TLN2: variants seen among roughly 807,000 people sequenced by gnomAD.
TLN2 encodes the protein talin 2.
A neutral mutation model predicts 294.7 loss-of-function variants in TLN2; 118 were observed. The observed-to-expected ratio is 0.40, with a 90% CI of 0.34 to 0.47. TLN2 has a LOEUF of 0.47. Ranked by LOEUF, TLN2 falls within the 20% of genes least tolerant of loss-of-function variation. TLN2 has a pLI of 0.84. For missense variants in TLN2, 3,083 were observed against 3,282.2 expected (o/e 0.94, Z 1.48); for synonymous variants, 1,431 against 1,304.5 (o/e 1.10, Z -2.09).
At position 62,689,877 on chromosome 15, in the gene TLN2, T is replaced by TTTTTTTTTTTTTTTTTTTTTTTTTTTTTA. The variant is rs71131119; in HGVS notation, c.1114-2963_1114-2962insTTTTTTTTTTTTTTTTTTTTTTTTTTTTA. Among the ~76,000 whole-genome samples the TTTTTTTTTTTTTTTTTTTTTTTTTTTTTA allele has an allele frequency of 4.1e-4, 4 of 9,834 alleles. 2 individuals carry two copies. The highest frequency in any genetic ancestry group is 5.8e-4 in the Non-Finnish European group (2 of 3,428). 6.5% of individuals were successfully genotyped at this position (9,834 alleles called of 152,430 possible). ...TTTTTTTTTTTTTTTTTTTTTTTTTTATTGGCTGACCCCCCTTCCTCCCTC... is the reference window on the plus strand; with the variant it reads ...TTTTTTTTTTTTTTTTTTTTTTTTTTTTTTTTTTTTTTTTTTTTTTTTTTTTTTAATTGGCTGACCCCCCTTCCTCCCTC... On this transcript the variant is annotated intron_variant, in intron 12 of 58. Transcript: ENST00000636159.
intron 1 of TLN2, among the ~76,000 whole-genome samples, chr15:62,398,740 G>A (rs1180046653): frequency 6.6e-6 from 1 of 152,192 alleles, no homozygotes; most frequent in East Asian, 1.9e-4. Context: ...GAATTTGAGA[G>A]AGATGATTTA....
chr15:62,436,225 T>C (rs966839823), intron 1 of TLN2, among the ~76,000 whole-genome samples: 3 of 152,212 alleles, frequency 2.0e-5, no homozygotes, highest in Non-Finnish European at 2.9e-5. Flanking sequence ...TCCCTCTGAG[T>C]TCCAGGCACT....
At chr15:62,493,238 C>T (rs2038843653) in intron 1 of TLN2, among the ~76,000 whole-genome samples, 1 of 152,192 alleles carries the variant, frequency 6.6e-6, no homozygotes, top group Admixed American at 6.5e-5. Context: ...AACAGCAGAG[C>T]CATGCTCCAG....
chr15:62,805,996 C>T (rs1374582192), intron 51 of TLN2, among the ~76,000 whole-genome samples: 1 of 152,080 alleles, frequency 6.6e-6, no homozygotes. Context: ...TGAGACCAGC[C>T]TGGGCAACAT....
chr15:62,412,432 G>A lies in TLN2; in HGVS notation c.-238+21747G>A, dbSNP rs139736009. ...CTGTGGTCTTTCATCATCTCTGATG[G>A]CAGGGTGCTAGCTGTCCTTCTGTTA... On this transcript the variant is annotated intron_variant, in intron 1 of 58. Coordinates refer to ENST00000636159, the MANE Select transcript of TLN2 (RefSeq NM_015059.3). 3.1e-3 allele frequency among the ~76,000 whole-genome samples: 466 copies of A among 152,284 alleles called. 2 individuals carry two copies. The highest frequency in any genetic ancestry group is 0.011 in the African/African-American group (440 of 41,556).
chr15:62,633,638 A>G (rs952177559), intron 3 of TLN2, among the ~76,000 whole-genome samples: 1 of 152,094 alleles, frequency 6.6e-6, no homozygotes, highest in Non-Finnish European at 1.5e-5. Flanking sequence ...TAATTATTCT[A>G]CTGATTACCA....
chr15:62,796,424 G>A, intron 47 of TLN2, 131 bp downstream of exon 47: 1 of 1,133,208 alleles, frequency 8.8e-7, no homozygotes, highest in Non-Finnish European at 1.2e-6. Flanking sequence ...GCACAAGTTG[G>A]GAAAGTGAAC....
chr15:62,480,930 G>A (rs1229903815), intron 1 of TLN2, among the ~76,000 whole-genome samples: 6 of 152,086 alleles, frequency 3.9e-5, no homozygotes, highest in Non-Finnish European at 5.9e-5. Context: ...CCCCTCATTC[G>A]AAATGTCCCC....
Position 62,639,634 on chromosome 15 carries a change from G to A in TLN2, c.-36-7641G>A, listed in dbSNP as rs1004839667. Among the ~76,000 whole-genome samples the A allele has an allele frequency of 2.6e-5, 4 of 152,322 alleles. No individual in the cohort carries two copies. The South Asian group carries it at 6.2e-4, about 24-fold the overall frequency. ...TCTCCTGGTCCTATTCTAAGTGGCT[G>A]TTAGCCACATGGAAAAATCACATGA... is the stretch of plus-strand genomic sequence containing the variant. On this transcript the variant is annotated intron_variant, in intron 3 of 58. Coordinates refer to ENST00000636159, the MANE Select transcript of TLN2 (RefSeq NM_015059.3).
chr15:62,570,878 G>A (rs2043811605), intron 1 of TLN2, among the ~76,000 whole-genome samples: 1 of 151,680 alleles, frequency 6.6e-6, no homozygotes, highest in Non-Finnish European at 1.5e-5. Flanking sequence ...GTGGCATAGT[G>A]GAAGAAGCTT....
At chr15:62,442,451 G>A (rs540174856) in intron 1 of TLN2, among the ~76,000 whole-genome samples, 31 of 137,226 alleles carry the variant, frequency 2.3e-4, no homozygotes, top group African/African-American at 7.9e-4. Context: ...CCGAGACTAC[G>A]CAGTTGCACT....
intron 1 of TLN2, among the ~76,000 whole-genome samples, chr15:62,537,211 G>T (rs1596050848): frequency 6.6e-6 from 1 of 151,898 alleles, no homozygotes; most frequent in Admixed American, 6.6e-5. Flanking sequence ...GTACAGATGG[G>T]GTTTCGCCGT....
chr15:62,516,374 A>G (rs1319771479), intron 1 of TLN2, among the ~76,000 whole-genome samples: 1 of 152,214 alleles, frequency 6.6e-6, no homozygotes, highest in Non-Finnish European at 1.5e-5. Context: ...CAGTGTTTTT[A>G]TATGGGTCAT....
At chr15:62,755,331 T>A in intron 36 of TLN2, 1 of 606,336 alleles carries the variant, frequency 1.6e-6, no homozygotes, top group East Asian at 3.2e-5. Context: ...CCTTTTTTCT[T>A]ATTCTTTCTT....
At chr15:62,450,055 C>T (rs1318385961) in intron 1 of TLN2, among the ~76,000 whole-genome samples, 2 of 152,252 alleles carry the variant, frequency 1.3e-5, no homozygotes, top group South Asian at 2.1e-4. Flanking sequence ...CGTACCTGGA[C>T]CCCAACTTAC....
rs144122762 is a variant in TLN2 at position 62,724,040 on chromosome 15, C to T, written c.3127-936C>T. On this transcript the variant is annotated intron_variant, in intron 26 of 58. Coordinates refer to ENST00000636159, the MANE Select transcript of TLN2 (RefSeq NM_015059.3). ...GTGCATGCCTGTAGTTCCAGCTGCT[C>T]AGGAGGCTGAGGCATGAGAATCACT... 5.4e-3 allele frequency among the ~76,000 whole-genome samples: 814 copies of T among 152,124 alleles called. 11 individuals are homozygous for T. The highest frequency in any genetic ancestry group is 0.019 in the African/African-American group (772 of 41,520).
At chr15:62,702,627 A>C (rs2058785365) in intron 18 of TLN2, 139 bp from the exon 19 acceptor site, 2 of 773,260 alleles carry the variant, frequency 2.6e-6, no homozygotes, top group Non-Finnish European at 4.4e-6. Flanking sequence ...GATGTCTTCT[A>C]TCTGGCAGAC....
At chr15:62,445,168 C>T (rs927460364) in intron 1 of TLN2, among the ~76,000 whole-genome samples, 3 of 152,156 alleles carry the variant, frequency 2.0e-5, no homozygotes, top group Non-Finnish European at 4.4e-5. Context: ...GCCCAGGCTG[C>T]AGCACCTGCA....
intron 40 of TLN2, among the ~76,000 whole-genome samples, chr15:62,764,271 T>C (rs1466083383): frequency 1.3e-5 from 2 of 152,196 alleles, no homozygotes; most frequent in Non-Finnish European, 2.9e-5. Context: ...TTTTTCCCTT[T>C]GGGTCTTTTT....
Sources: gnomAD v4.1 joint callset for allele counts (sites outside exome capture counted in the v4.1 genomes callset) on GRCh38, gnomAD v4.1.1 for gene constraint, MANE v1.5 for transcripts, NCBI Gene and HGNC (gene_info 2026-07-23, HGNC 2026-07-21) for gene names.